Variants in ARHGAP26 observed in about 807,000 individuals in gnomAD.
ARHGAP26 encodes Rho GTPase activating protein 26.
Under a neutral mutation model 104.8 loss-of-function variants are expected in ARHGAP26, and 38 were observed. That is an observed-to-expected ratio of 0.36 (90% CI 0.28 to 0.48). ARHGAP26 has a LOEUF of 0.48. ARHGAP26 is among the 20% of genes least tolerant of loss of function. The pLI is 0.99. For synonymous variants in ARHGAP26, 341 were observed against 340.0 expected, an observed-to-expected ratio of 1.00 and a Z score of -0.03; for missense variants, 704 against 947.9, an observed-to-expected ratio of 0.74 and a Z score of 3.38.
At chr5:143,145,707 T>C (rs1232697531) in intron 19 of ARHGAP26, among the ~76,000 whole-genome samples, 1 of 152,234 alleles carries the variant, frequency 6.6e-6, no homozygotes, top group East Asian at 1.9e-4. Flanking sequence ...CAGTTTTAAA[T>C]CTCAGGCATC....
chr5:143,059,422 C>T (rs763034484), intron 17 of ARHGAP26, among the ~76,000 whole-genome samples: 2 of 152,140 alleles, frequency 1.3e-5, no homozygotes, highest in Admixed American at 6.5e-5. Context: ...TTTAAATTTC[C>T]TTTAGGATTG....
chr5:142,919,769 A>G (rs1459764552), intron 10 of ARHGAP26, among the ~76,000 whole-genome samples: 2 of 152,088 alleles, frequency 1.3e-5, no homozygotes, highest in Admixed American at 1.3e-4. Context: ...GGCCGAGGCA[A>G]GTGGATCATT....
At chr5:143,133,474 T>C (rs1797586009) in intron 18 of ARHGAP26, among the ~76,000 whole-genome samples, 2 of 152,190 alleles carry the variant, frequency 1.3e-5, no homozygotes, top group African/African-American at 2.4e-5. Flanking sequence ...GATTGGGAAA[T>C]GGTGCCCTGC....
chr5:142,991,268 C>T (rs1388195881), intron 11 of ARHGAP26, among the ~76,000 whole-genome samples: 1 of 152,222 alleles, frequency 6.6e-6, no homozygotes, highest in African/African-American at 2.4e-5. Context: ...GAGCCATGTG[C>T]AGGATATAAT....
At chr5:143,056,218 A>C in intron 16 of ARHGAP26, 132 bp downstream of exon 16, 7 of 670,012 alleles carry the variant, frequency 1.0e-5, no homozygotes, top group Non-Finnish European at 1.8e-5. Context: ...TAACATACTC[A>C]TGAGATTCTA....
chr5:143,123,861 A>C (rs1796416077), intron 18 of ARHGAP26, among the ~76,000 whole-genome samples: 1 of 152,232 alleles, frequency 6.6e-6, no homozygotes, highest in African/African-American at 2.4e-5. Context: ...ATCTAAAATA[A>C]ATAAATAAAA....
intron 10 of ARHGAP26, among the ~76,000 whole-genome samples, chr5:142,930,271 C>T (rs1264706881): frequency 6.6e-6 from 1 of 152,144 alleles, no homozygotes. Context: ...GTTCATTGTG[C>T]CCTTAAGCCA....
intron 1 of ARHGAP26, among the ~76,000 whole-genome samples, chr5:142,793,713 G>C (rs1760357365): frequency 6.6e-6 from 1 of 151,930 alleles, no homozygotes; most frequent in South Asian, 2.1e-4. Context: ...TCAGCTTCTC[G>C]AGTAGCTGGG....
At chr5:142,961,506 G>A (rs1035800035) in intron 11 of ARHGAP26, among the ~76,000 whole-genome samples, 2 of 152,014 alleles carry the variant, frequency 1.3e-5, no homozygotes, top group African/African-American at 4.8e-5. Flanking sequence ...AAACAAAAGG[G>A]GGGTCCAGAG....
At chr5:142,898,019 A>G (rs929366553) in intron 6 of ARHGAP26, among the ~76,000 whole-genome samples, 6 of 152,298 alleles carry the variant, frequency 3.9e-5, no homozygotes, top group African/African-American at 1.4e-4. Context: ...GACCGTGTTC[A>G]TTTGTTTCTT....
chr5:142,772,763 C>G lies in ARHGAP26; in HGVS notation c.154+1848C>G, dbSNP rs754689761. ...CAGTGCAGAGCTCTTGACTTCTGCC[C>G]CATCTCACTTGCCCGGAATGGAACC... On this transcript the variant is annotated intron_variant, in intron 1 of 22. Transcript: ENST00000645722. 10 of 533,432 alleles carry G rather than the reference C, an allele frequency of 1.9e-5. 1 individual carries two copies. Among genetic ancestry groups the G allele is most frequent in the South Asian group, 5.6e-5 (4 of 71,590 alleles). The allele number at this position is 533,432 out of a possible 1,614,324, so 33.0% of individuals were successfully genotyped here. A position where few individuals can be genotyped will look rare whatever the true frequency, so the allele number is the denominator to read the frequency against.
intron 11 of ARHGAP26, among the ~76,000 whole-genome samples, chr5:142,985,047 G>A (rs1007996908): frequency 6.6e-6 from 1 of 152,248 alleles, no homozygotes; most frequent in African/African-American, 2.4e-5. Context: ...AGTGGGACAA[G>A]ATGTGGAGGT....
chr5:143,156,571 C>T (rs1287548151), intron 20 of ARHGAP26, among the ~76,000 whole-genome samples: 1 of 152,176 alleles, frequency 6.6e-6, no homozygotes, highest in Non-Finnish European at 1.5e-5. Context: ...TTACCAAACC[C>T]TGCAGATGAT....
intron 20 of ARHGAP26, among the ~76,000 whole-genome samples, chr5:143,160,951 C>T (rs1236779731): frequency 4.6e-5 from 7 of 151,510 alleles, no homozygotes; most frequent in South Asian, 2.1e-4. Context: ...ACTGAGCTCT[C>T]GCTCAGGAAG....
chr5:143,147,568 G>A (rs941861061), intron 20 of ARHGAP26, 187 bp downstream of exon 20: 19 of 615,908 alleles, frequency 3.1e-5, no homozygotes, highest in East Asian at 2.9e-4. Context: ...AGAGGGAGTC[G>A]TTATTCTTAA....
At chr5:143,044,095 T>C (rs1208201300) in intron 14 of ARHGAP26, among the ~76,000 whole-genome samples, 1 of 152,126 alleles carries the variant, frequency 6.6e-6, no homozygotes, top group African/African-American at 2.4e-5. Flanking sequence ...CTATAGGAAG[T>C]AAGAAACTAT....
intron 1 of ARHGAP26, among the ~76,000 whole-genome samples, chr5:142,817,988 T>C (rs1410707147): frequency 6.6e-6 from 1 of 152,138 alleles, no homozygotes; most frequent in Non-Finnish European, 1.5e-5. Context: ...ATATGAGTTA[T>C]AGGGTGTCAG....
chr5:142,936,108 AACAC>A (rs149919795), intron 11 of ARHGAP26, among the ~76,000 whole-genome samples: 2,771 of 139,746 alleles, frequency 0.02, 47 homozygotes, highest in East Asian at 0.058. Context: ...AATCCCAAGG[AACAC>A]ACACACACAC....
chr5:143,057,584 C>A (rs912801311), intron 16 of ARHGAP26, 58 bp from the exon 17 acceptor site: 2 of 1,446,310 alleles, frequency 1.4e-6, no homozygotes, highest in Non-Finnish European at 1.9e-6. Flanking sequence ...AATTTTTCAA[C>A]CTTAAAGTTG....
Sources: gnomAD v4.1 joint callset for allele counts (sites outside exome capture counted in the v4.1 genomes callset) on GRCh38, gnomAD v4.1.1 for gene constraint, MANE v1.5 for transcripts, NCBI Gene and HGNC (gene_info 2026-07-23, HGNC 2026-07-21) for gene names.